TUBGCP6: variants seen among roughly 807,000 people sequenced by gnomAD.
The protein encoded by TUBGCP6 is tubulin gamma complex component 6, also known as gamma-tubulin complex component 6.
A neutral mutation model predicts 175.8 loss-of-function variants in TUBGCP6; 161 were observed. The observed-to-expected ratio is 0.92, with a 90% CI of 0.81 to 1.04. The LOEUF is 1.04. Ranked by LOEUF, TUBGCP6 falls within the 50% of genes least tolerant of loss-of-function variation. The pLI is 0.00. For missense variants in TUBGCP6, 2,572 were observed against 2,433.0 expected (o/e 1.06, Z -1.20); for synonymous variants, 1,173 against 1,030.5 (o/e 1.14, Z -2.65).
chr22:50,221,241 CGTA>C lies in TUBGCP6; in HGVS notation c.3115_3117del (p.Tyr1039del), dbSNP rs1273902814. On this transcript the variant is annotated inframe_deletion, in exon 16 of 25. Coordinates refer to ENST00000248846, the MANE Select transcript of TUBGCP6 (RefSeq NM_020461.4). ...GGCCGGGTGGGAGCTATTTCAGAAG[CGTA>C]GTCCCCTGTGGGAAGACCACCCCCT... The C allele has an allele frequency of 6.2e-7, 1 of 1,614,056 alleles. No individual in the cohort carries two copies. The highest frequency in any genetic ancestry group is 1.7e-5 in the Admixed American group (1 of 60,012).
In TUBGCP6 at chr22:50,218,223, C is replaced by T; in HGVS notation, c.5134G>A (p.Ala1712Thr). The T allele has an allele frequency of 6.2e-7, 1 of 1,612,698 alleles. No individual in the cohort carries two copies. Among genetic ancestry groups the T allele is most frequent in the African/African-American group, 1.3e-5 (1 of 75,064 alleles). ...TVGDLEEIQR[A>T]HAEYLHKAVF... Reference sequence around the variant, plus strand: ...GCCTTGTGCAGGTACTCTGCGTGCGCACGCTGGATCTCCTCCAGGTCGCCC... The same window carrying T: ...GCCTTGTGCAGGTACTCTGCGTGCGTACGCTGGATCTCCTCCAGGTCGCCC... Residue 1712 changes from alanine to threonine, a missense_variant, in exon 23 of 25, where the codon GCG becomes ACG. Transcript: ENST00000248846.
At position 50,219,736 on chromosome 22, in the gene TUBGCP6, G is replaced by C; in HGVS notation, c.4223C>G (p.Ala1408Gly). The C allele has an allele frequency of 1.2e-6, 2 of 1,613,784 alleles. No homozygotes were observed. The highest frequency in any genetic ancestry group is 1.7e-6 in the Non-Finnish European group (2 of 1,180,006). The change falls in exon 18 of 25, where the codon GCG becomes GGG. Residue 1408 changes from alanine (A) to glycine (G), a missense_variant. Coordinates refer to ENST00000248846, the MANE Select transcript of TUBGCP6 (RefSeq NM_020461.4). The part of the protein sequence containing the change: ...PGRGEEAEAS[A>G]AEAQGGEQAY... ...CTGCTCCCCACCCTGAGCCTCCGCC[G>C]CCGATGCCTCCGCCTCCTCACCACG...
chr22:50,234,033 T>C (rs1252857892), intron 2 of TUBGCP6, among the ~76,000 whole-genome samples: 146 of 120,306 alleles, frequency 1.2e-3, no homozygotes, highest in East Asian at 3.3e-3. Context: ...AGCATCCACA[T>C]CCAGGTCCAC....
Position 50,227,067 on chromosome 22 carries a change from C to A in TUBGCP6, c.1423G>T (p.Glu475Ter). ...KLGRQLRYLA[E>*]LCGVGAVLPG... ...AGCACAGCGCCAACGCCACAGAGCT[C>A]GGCCAGGTACCTAGACCCAGAGGCA... The change falls in exon 6 of 25, where the codon GAG becomes TAG. Residue 475 changes from glutamate to a stop codon, truncating the protein, a stop_gained. Transcript: ENST00000248846. LOFTEE classifies it high-confidence loss of function. 4 of 1,611,152 alleles carry A rather than the reference C, an allele frequency of 2.5e-6. No homozygotes were observed. The highest frequency in any genetic ancestry group is 1.3e-5 in the African/African-American group (1 of 75,006).
intron 2 of TUBGCP6, among the ~76,000 whole-genome samples, chr22:50,235,154 CA>C (rs898268567): frequency 1.8e-5 from 2 of 109,616 alleles, no homozygotes; most frequent in African/African-American, 7.7e-5. Context: ...ATCCACACCC[CA>C]GTCCATGGCA....
chr22:50,218,027 G>C lies in TUBGCP6; in HGVS notation c.5259C>G (p.Ser1753=). The part of the protein sequence containing the change: ...LVLKFRSQLI[S]QAWGPPGGPR... ...GGCCCCCAGGGGGCCCCCAGGCCTG[G>C]GAGATGAGCTGGCTGCGGAACTTGA... The change falls in exon 24 of 25, where the codon TCC becomes TCG. Residue 1753 remains serine (S), a synonymous_variant. Transcript: ENST00000248846. 2 of 1,613,328 alleles carry C rather than the reference G, an allele frequency of 1.2e-6. No homozygotes were observed. The highest frequency in any genetic ancestry group is 2.2e-5 in the East Asian group (1 of 44,858).
In TUBGCP6 at chr22:50,240,501, C is replaced by T. The variant is rs1411046923; in HGVS notation, c.742-134G>A. On this transcript the variant is annotated intron_variant, in intron 1 of 24. Coordinates refer to ENST00000248846, the MANE Select transcript of TUBGCP6 (RefSeq NM_020461.4). The stretch of plus-strand genomic sequence containing the variant: ...TCTGTTTTTCTCAAGCGCATGTGTA[C>T]CATACAATGTTTCCCACCAATGAGC... The T allele has an allele frequency of 8.3e-6, 9 of 1,081,224 alleles. No homozygotes were observed. In the South Asian group the frequency reaches 1.1e-4, roughly 13 times the overall value. The allele number at this position is 1,081,224 out of a possible 1,614,324, so 67.0% of individuals were successfully genotyped here.
chr22:50,235,281 T>TATCCACATGCCTGTCCACGGCAAC (rs1484032679), intron 2 of TUBGCP6, among the ~76,000 whole-genome samples: 1 of 150,990 alleles, frequency 6.6e-6, no homozygotes, highest in Non-Finnish European at 1.5e-5. Context: ...TCCACATGCC[T>TATCCACATGCCTGTCCACGGCAAC]ATCCACATGC....
At chr22:50,235,197 C>T (rs1490196832) in intron 2 of TUBGCP6, among the ~76,000 whole-genome samples, 7 of 151,888 alleles carry the variant, frequency 4.6e-5, no homozygotes, top group African/African-American at 1.7e-4. Flanking sequence ...GCAGCATCAT[C>T]CACATCCCTG....
At chr22:50,235,348 G>GGCAACATCCACATGCCTGTCCACA (rs2064763451) in intron 2 of TUBGCP6, among the ~76,000 whole-genome samples, 1 of 13,258 alleles carries the variant, frequency 7.5e-5, no homozygotes, top group African/African-American at 1.5e-3. Flanking sequence ...CCCCGTCCAC[G>GGCAACATCCACATGCCTGTCCACA]GCAACAACAT....
chr22:50,220,695 T>G lies in TUBGCP6; in HGVS notation c.3664A>C (p.Ser1222Arg). The G allele has an allele frequency of 1.2e-6, 2 of 1,608,522 alleles. No homozygotes were observed. Among genetic ancestry groups the G allele is most frequent in the Non-Finnish European group, 1.7e-6 (2 of 1,179,324 alleles). Residue 1222 changes from serine to arginine, a missense_variant, in exon 16 of 25, where the codon AGC (serine) becomes CGC (arginine). By Grantham distance (110) the Ser-to-Arg change is moderately radical. Coordinates refer to ENST00000248846, the MANE Select transcript of TUBGCP6 (RefSeq NM_020461.4). ...WNTHGHVSDT[S>R]IRVGENVSDV... Reference sequence around the variant, plus strand: ...GATACGTTCTCCCCAACCCTGATGCTGGTGTCAGACACATGTCCGTGGGTG... The same window carrying G: ...GATACGTTCTCCCCAACCCTGATGCGGGTGTCAGACACATGTCCGTGGGTG...
rs1204157696 is a variant in TUBGCP6, at chr22:50,218,293, G to A, written c.5064C>T (p.Ile1688=). 1 of 1,613,138 alleles carries A rather than the reference G, an allele frequency of 6.2e-7. No individual in the cohort carries two copies. Among genetic ancestry groups the A allele is most frequent in the East Asian group, 2.2e-5 (1 of 44,872 alleles). ...KVIQGYIANQ[I]LHVTWCEFRA... ...TGAACTCGCACCAGGTGACGTGCAGGATCTGGTTGGCGATGTAGCCCTGGA... is the reference window on the plus strand; with the variant it reads ...TGAACTCGCACCAGGTGACGTGCAGAATCTGGTTGGCGATGTAGCCCTGGA... Residue 1688 remains isoleucine, a synonymous_variant, in exon 23 of 25, where the codon ATC becomes ATT. Coordinates refer to ENST00000248846, the MANE Select transcript of TUBGCP6 (RefSeq NM_020461.4).
In TUBGCP6 at chr22:50,221,437, C is replaced by T. The variant is rs2147179927; in HGVS notation, c.2922G>A (p.Glu974=). 7 of 1,598,832 alleles carry T rather than the reference C, an allele frequency of 4.4e-6. No individual in the cohort carries two copies. The highest frequency in any genetic ancestry group is 6.0e-6 in the Non-Finnish European group (7 of 1,175,290). The change falls in exon 16 of 25, where the codon GAG becomes GAA. Residue 974 remains glutamate (E), a synonymous_variant. Transcript: ENST00000248846. ...SPAPGPLQAA[E]CSLGSSGLQL... is the part of the protein sequence containing the mutation. ...GTAGCCCTGAGCTGCCCAAGCTGCA[C>T]TCTGCAGCCTGCAGGGGCCCTGGTG...
In TUBGCP6 at chr22:50,219,091, G is replaced by C. The variant is rs763089483; in HGVS notation, c.4603C>G (p.Leu1535Val). 2.5e-6 allele frequency: 4 copies of C among 1,612,636 alleles called. No individual in the cohort carries two copies. The highest frequency in any genetic ancestry group is 3.4e-6 in the Non-Finnish European group (4 of 1,179,982). Residue 1535 changes from leucine to valine, a missense_variant, in exon 20 of 25, where the codon CTC (leucine) becomes GTC (valine). Leu to Val is a conservative substitution (Grantham distance 32). Transcript: ENST00000248846. ...LMEDGEFAQS[L>V]SDLLFEKLGA... is the part of the protein sequence containing the mutation. ...ACCTTCTCAAAGAGCAGGTCGCTGA[G>C]GGACTGGGCGAACTCGCCGTCCTCC...
rs112238661 is a variant in TUBGCP6, at chr22:50,234,337, G to T, written c.906-811C>A. Among the ~76,000 whole-genome samples, 44 of 82,404 alleles carry T rather than the reference G, an allele frequency of 5.3e-4. 2 individuals carry two copies. The highest frequency in any genetic ancestry group is 2.1e-3 in the East Asian group (5 of 2,328). The allele number at this position is 82,404 out of a possible 152,430, so 54.1% of individuals were successfully genotyped here. ...ATCATCCACACCCCTGTCCACAGCA[G>T]CATCCACACCCCTGTCCACAGCAGC... On this transcript the variant is annotated intron_variant, in intron 2 of 24. Coordinates refer to ENST00000248846, the MANE Select transcript of TUBGCP6 (RefSeq NM_020461.4).
rs1458708844 is a variant in TUBGCP6 at position 50,244,331 on chromosome 22, A to AT, written c.128dup (p.Asn43LysfsTer11). On this transcript the variant is annotated frameshift_variant, in exon 1 of 25. Transcript: ENST00000248846. LOFTEE classifies it high-confidence loss of function. ...CTTGAAAAAGATTTGTGAAAAGAGC[A>AT]TTGTAGGCCACCTTCTTGAGGCTCC... 6.2e-7 allele frequency: 1 copy of AT among 1,613,456 alleles called. No homozygotes were observed.
At chr22:50,228,150 T>C (rs2064639977) in intron 4 of TUBGCP6, 122 bp from the exon 5 acceptor site, 2 of 1,203,726 alleles carry the variant, frequency 1.7e-6, no homozygotes, top group Non-Finnish European at 2.2e-6. Context: ...GGGCTCCATT[T>C]CCAAGCAATG....
chr22:50,227,274 G>A (rs1370307590), intron 5 of TUBGCP6, among the ~76,000 whole-genome samples, 197 bp from the exon 6 acceptor site: 1 of 151,520 alleles, frequency 6.6e-6, no homozygotes, highest in Non-Finnish European at 1.5e-5. Context: ...CTGTGCCCCT[G>A]CGCTGTCCAC....
intron 2 of TUBGCP6, among the ~76,000 whole-genome samples, chr22:50,236,429 C>T (rs538343149): frequency 2.0e-5 from 3 of 152,326 alleles, no homozygotes; most frequent in Admixed American, 1.3e-4. Flanking sequence ...GCCACTGCAC[C>T]TGGCTAAGTT....
Sources: gnomAD v4.1 joint callset for allele counts (sites outside exome capture counted in the v4.1 genomes callset) on GRCh38, gnomAD v4.1.1 for gene constraint, MANE v1.5 for transcripts, NCBI Gene and HGNC (gene_info 2026-07-23, HGNC 2026-07-21) for gene names.